Variants in NELL1 observed in about 807,000 individuals in gnomAD.
NELL1 encodes neural EGFL like 1, also known as protein kinase C-binding protein NELL1.
In NELL1, 76 loss-of-function variants were observed where a neutral mutation model predicts 107.4. That is an observed-to-expected ratio of 0.71 (90% CI 0.59 to 0.86). NELL1 has a LOEUF of 0.86. Among genes scored for constraint, NELL1 ranks in the 40% least tolerant of loss-of-function variants. The pLI, the probability that NELL1 is intolerant of heterozygous loss-of-function variation, is 0.00. For missense variants in NELL1, 1,024 were observed against 1,005.5 expected (o/e 1.02, Z -0.25); for synonymous variants, 353 against 341.2 (o/e 1.03, Z -0.38).
intron 3 of NELL1, among the ~76,000 whole-genome samples, chr11:20,836,327 G>A (rs1220383947): frequency 1.3e-5 from 2 of 151,084 alleles, no homozygotes; most frequent in South Asian, 4.2e-4. Context: ...AATAGCAACA[G>A]GAATCCTTGT....
intron 3 of NELL1, among the ~76,000 whole-genome samples, chr11:20,838,675 T>TA (rs995729413): frequency 2.0e-5 from 3 of 152,102 alleles, no homozygotes; most frequent in Non-Finnish European, 4.4e-5. Context: ...ACAATAGAAA[T>TA]AAAAAAATTT....
chr11:20,876,899 G>A (rs1335094140), intron 4 of NELL1, among the ~76,000 whole-genome samples: 1 of 152,288 alleles, frequency 6.6e-6, no homozygotes, highest in East Asian at 1.9e-4. Flanking sequence ...TGGACTGAAT[G>A]CTGAATATTT....
In NELL1 at chr11:20,748,899, T is replaced by C. The variant is rs3993121; in HGVS notation, c.185-34781T>C. 2.0e-4 allele frequency among the ~76,000 whole-genome samples: 11 copies of C among 53,962 alleles called. 1 individual carries two copies. Among genetic ancestry groups the C allele is most frequent in the South Asian group, 6.3e-4 (1 of 1,596 alleles). The allele number at this position is 53,962 out of a possible 152,430, so 35.4% of individuals were successfully genotyped here. A position where few individuals can be genotyped will look rare whatever the true frequency, so the allele number is the denominator to read the frequency against. On this transcript the variant is annotated intron_variant, in intron 2 of 19. Transcript: ENST00000357134. ...ATCCATCCATCCATCCATCCATCCA[T>C]CCACCCAGCCACCCATCCATCCATC...
chr11:21,288,197 AC>A (rs1849171530), intron 14 of NELL1, among the ~76,000 whole-genome samples: 1 of 152,072 alleles, frequency 6.6e-6, no homozygotes, highest in Non-Finnish European at 1.5e-5. Flanking sequence ...GGAGTAGGGA[AC>A]TGGAAGAGCT....
intron 14 of NELL1, among the ~76,000 whole-genome samples, chr11:21,272,282 C>T (rs114639212): frequency 0.015 from 2,285 of 152,310 alleles, 70 homozygotes; most frequent in African/African-American, 0.052. Flanking sequence ...GAGGGCCCTA[C>T]GCCCATGGAG....
intron 14 of NELL1, among the ~76,000 whole-genome samples, chr11:21,338,995 A>G (rs1237650230): frequency 6.6e-6 from 1 of 152,208 alleles, no homozygotes; most frequent in East Asian, 1.9e-4. Context: ...TCCAGTCTAA[A>G]TAGATTTAAA....
At chr11:20,796,326 T>C (rs1401816166) in intron 3 of NELL1, among the ~76,000 whole-genome samples, 1 of 152,170 alleles carries the variant, frequency 6.6e-6, no homozygotes, top group African/African-American at 2.4e-5. Context: ...ATTTTGAACT[T>C]TTATAAAATT....
At chr11:21,324,474 T>C (rs1240088455) in intron 14 of NELL1, among the ~76,000 whole-genome samples, 2 of 152,104 alleles carry the variant, frequency 1.3e-5, no homozygotes, top group African/African-American at 4.8e-5. Flanking sequence ...TAATATTTGT[T>C]CTACATTTTC....
chr11:21,237,159 C>T (rs1292070453), intron 14 of NELL1, among the ~76,000 whole-genome samples: 1 of 152,148 alleles, frequency 6.6e-6, no homozygotes, highest in Non-Finnish European at 1.5e-5. Flanking sequence ...AGGACTATGG[C>T]TGAGCCACCC....
intron 14 of NELL1, among the ~76,000 whole-genome samples, chr11:21,247,325 T>C (rs1224319033): frequency 6.6e-6 from 1 of 152,258 alleles, no homozygotes; most frequent in East Asian, 1.9e-4. Flanking sequence ...TAAAATCTTT[T>C]TGACTGGTTT....
rs1405998166 is a variant in NELL1, at chr11:20,927,438, G to A, written c.890G>A (p.Cys297Tyr). ...GGTGACCATTGCAGGAACTGCACTT[G>A]CAAAGTAAGCCTCTTTGTAAATAAA... ...VDGDHCRNCTCKSGAVECRRM... is the reference protein window; with the variant it reads ...VDGDHCRNCTYKSGAVECRRM... The change falls in exon 8 of 20, where the codon TGC becomes TAC. Residue 297 changes from cysteine (C) to tyrosine (Y), a missense_variant. Cys to Tyr is a radical substitution (Grantham distance 194). Coordinates refer to ENST00000357134, the MANE Select transcript of NELL1 (RefSeq NM_006157.5). The A allele has an allele frequency of 1.2e-6, 2 of 1,608,334 alleles. No individual in the cohort carries two copies. The highest frequency in any genetic ancestry group is 1.7e-5 in the Admixed American group (1 of 58,144).
At chr11:20,756,994 G>A (rs1301364503) in intron 2 of NELL1, among the ~76,000 whole-genome samples, 2 of 152,144 alleles carry the variant, frequency 1.3e-5, no homozygotes, top group Admixed American at 1.3e-4. Context: ...CAGACTGGAA[G>A]AGAACAGACT....
intron 12 of NELL1, among the ~76,000 whole-genome samples, chr11:20,988,439 C>A (rs200213129): frequency 3.5e-4 from 36 of 104,318 alleles, no homozygotes; most frequent in East Asian, 3.4e-3. Context: ...GTATATATAT[C>A]TATATATACA....
chr11:20,832,551 T>G (rs998970034), intron 3 of NELL1, among the ~76,000 whole-genome samples: 2 of 152,138 alleles, frequency 1.3e-5, no homozygotes, highest in South Asian at 4.1e-4. Context: ...AATGAATACC[T>G]TAATGAACCT....
At chr11:20,814,056 T>C (rs1053856022) in intron 3 of NELL1, among the ~76,000 whole-genome samples, 10 of 151,982 alleles carry the variant, frequency 6.6e-5, no homozygotes, top group African/African-American at 1.9e-4. Flanking sequence ...AGTGCAGTGG[T>C]GCGATCTCGG....
chr11:21,414,745 G>C (rs1216314256), intron 15 of NELL1, among the ~76,000 whole-genome samples: 1 of 152,018 alleles, frequency 6.6e-6, no homozygotes, highest in South Asian at 2.1e-4. Flanking sequence ...TGTGCAATGG[G>C]CATTTGATAA....
At chr11:20,852,330 A>T (rs1289477863) in intron 4 of NELL1, among the ~76,000 whole-genome samples, 1 of 152,230 alleles carries the variant, frequency 6.6e-6, no homozygotes, top group Non-Finnish European at 1.5e-5. Context: ...CAATTTTTGC[A>T]TACAACTGAT....
At chr11:21,562,505 G>A (rs1856874023) in intron 17 of NELL1, among the ~76,000 whole-genome samples, 1 of 151,986 alleles carries the variant, frequency 6.6e-6, no homozygotes, top group Admixed American at 6.6e-5. Flanking sequence ...GCCTGGTTTA[G>A]GAGCTGAATT....
In NELL1 at chr11:21,560,230, G is replaced by A. The variant is rs757409735; in HGVS notation, c.1828G>A (p.Asp610Asn). Residue 610 changes from aspartate to asparagine, a missense_variant, in exon 17 of 20, where the codon GAT becomes AAT. Transcript: ENST00000357134. Reference sequence around the variant, plus strand: ...CTTAAGAACTCACACCTGTTGGAACGATTCTGCCTGCATCAACCTGGCAGG... The same window carrying A: ...CTTAAGAACTCACACCTGTTGGAACAATTCTGCCTGCATCAACCTGGCAGG... ...CALRTHTCWNDSACINLAGGF... is the reference protein window; with the variant it reads ...CALRTHTCWNNSACINLAGGF... 6.2e-6 allele frequency: 10 copies of A among 1,613,584 alleles called. No individual in the cohort carries two copies. Among genetic ancestry groups the A allele is most frequent in the Non-Finnish European group, 4.2e-6 (5 of 1,179,754 alleles).
Sources: gnomAD v4.1 joint callset for allele counts (sites outside exome capture counted in the v4.1 genomes callset) on GRCh38, gnomAD v4.1.1 for gene constraint, MANE v1.5 for transcripts, NCBI Gene and HGNC (gene_info 2026-07-23, HGNC 2026-07-21) for gene names.